ENTREP2: variants seen among roughly 807,000 people sequenced by gnomAD.
ENTREP2 encodes the protein endosomal transmembrane epsin interactor 2, also known as protein ENTREP2.
At chr15:29,380,673 G>A in the ENTREP2 span, among the ~76,000 whole-genome samples, 78 of 152,206 alleles carry the variant, frequency 5.1e-4, 1 homozygote, top group Non-Finnish European at 6.2e-4. Context: ...ACAATGCCAC[G>A]GCAATTCAAG....
At chr15:29,569,049 C>A in the ENTREP2 span, among the ~76,000 whole-genome samples, 1 of 152,154 alleles carries the variant, frequency 6.6e-6, no homozygotes, top group Non-Finnish European at 1.5e-5. Flanking sequence ...TCAGTGCCCG[C>A]TAGACAGACA....
the ENTREP2 span, among the ~76,000 whole-genome samples, chr15:29,150,955 GACAC>G: frequency 6.6e-6 from 1 of 152,066 alleles, no homozygotes; most frequent in East Asian, 1.9e-4. Flanking sequence ...GAGAGAGACA[GACAC>G]ACACTCATAC....
the ENTREP2 span, among the ~76,000 whole-genome samples, chr15:29,413,576 C>T: frequency 6.6e-6 from 1 of 152,270 alleles, no homozygotes; most frequent in Admixed American, 6.5e-5. Context: ...CAAACAACTA[C>T]ACAAAAATCT....
chr15:29,562,652 T>C, the ENTREP2 span, among the ~76,000 whole-genome samples: 1 of 152,240 alleles, frequency 6.6e-6, no homozygotes, highest in African/African-American at 2.4e-5. Context: ...CATTGTTTAT[T>C]AGCATAGAAT....
the ENTREP2 span, among the ~76,000 whole-genome samples, chr15:29,170,392 G>A: frequency 2.7e-5 from 4 of 150,164 alleles, no homozygotes; most frequent in Admixed American, 6.7e-5. Context: ...TTAAAGATAC[G>A]ATTTACAATA....
chr15:29,223,766 G>A, the ENTREP2 span, among the ~76,000 whole-genome samples: 2 of 152,102 alleles, frequency 1.3e-5, no homozygotes, highest in Admixed American at 6.5e-5. Flanking sequence ...GAGCCCCTGC[G>A]CCTGCAGCCC....
the ENTREP2 span, among the ~76,000 whole-genome samples, chr15:29,647,340 T>A: frequency 1.3e-5 from 2 of 152,198 alleles, 1 homozygote; most frequent in African/African-American, 4.8e-5. Context: ...AAATCAAAAG[T>A]GTCTCACAGA....
chr15:29,217,664 T>C, the ENTREP2 span, among the ~76,000 whole-genome samples: 1 of 152,312 alleles, frequency 6.6e-6, no homozygotes, highest in African/African-American at 2.4e-5. Context: ...TCACTTCTTG[T>C]ATCATTTTTG....
the ENTREP2 span, among the ~76,000 whole-genome samples, chr15:29,507,818 C>T: frequency 1.3e-5 from 2 of 152,248 alleles, no homozygotes; most frequent in South Asian, 4.1e-4. Context: ...CTAAAATCAA[C>T]ACCCTAACAT....
chr15:29,472,191 C>T, the ENTREP2 span, among the ~76,000 whole-genome samples: 1 of 152,060 alleles, frequency 6.6e-6, no homozygotes, highest in African/African-American at 2.4e-5. Context: ...GCCTTTGTTA[C>T]CTTGTCTCCA....
At chr15:29,282,401 T>C in the ENTREP2 span, among the ~76,000 whole-genome samples, 771 of 152,306 alleles carry the variant, frequency 5.1e-3, 5 homozygotes, top group African/African-American at 0.018. Flanking sequence ...TTTTTCTTTA[T>C]AAATTACCCA....
chr15:29,381,718 C>A, the ENTREP2 span: 2 of 1,432,056 alleles, frequency 1.4e-6, no homozygotes, highest in Non-Finnish European at 1.9e-6. Context: ...AACCTGCTCA[C>A]GCATCTGAAG....
chr15:29,490,178 C>T, the ENTREP2 span, among the ~76,000 whole-genome samples: 1 of 152,094 alleles, frequency 6.6e-6, no homozygotes, highest in Non-Finnish European at 1.5e-5. Context: ...TCTTAAAGGC[C>T]GGTGCATCTG....
At chr15:29,651,980 C>T in the ENTREP2 span, among the ~76,000 whole-genome samples, 55 of 152,166 alleles carry the variant, frequency 3.6e-4, no homozygotes, top group African/African-American at 1.2e-3. Context: ...GGCCGCCAGT[C>T]CTGTGGATTG....
the ENTREP2 span, among the ~76,000 whole-genome samples, chr15:29,413,048 T>G: frequency 6.6e-6 from 1 of 152,136 alleles, no homozygotes; most frequent in African/African-American, 2.4e-5. Context: ...TAAAATCTTT[T>G]TTTAATTTCC....
chr15:29,294,594 A>G, the ENTREP2 span, among the ~76,000 whole-genome samples: 1 of 152,198 alleles, frequency 6.6e-6, no homozygotes, highest in African/African-American at 2.4e-5. Context: ...AGACCCACTC[A>G]CTGTTATTTG....
chr15:29,582,582 C>G, the ENTREP2 span, among the ~76,000 whole-genome samples: 31 of 152,156 alleles, frequency 2.0e-4, no homozygotes, highest in South Asian at 3.7e-3. Context: ...GAAACCAAAG[C>G]AAGGGAACAA....
the ENTREP2 span, among the ~76,000 whole-genome samples, chr15:29,331,528 G>A: frequency 3.9e-5 from 6 of 152,218 alleles, no homozygotes; most frequent in Admixed American, 1.3e-4. Flanking sequence ...ATCCAGTTTC[G>A]AGCAGGAGGG....
the ENTREP2 span, among the ~76,000 whole-genome samples, chr15:29,135,065 C>A: frequency 6.6e-6 from 1 of 151,978 alleles, no homozygotes; most frequent in East Asian, 1.9e-4. The surrounding 1 kb of genome is among the most constrained non-coding windows in gnomAD (Gnocchi z 7.4). Flanking sequence ...GTCATGCTGT[C>A]ATCTGCTCTC....
Sources: gnomAD v4.1 joint callset for allele counts (sites outside exome capture counted in the v4.1 genomes callset) on GRCh38, gnomAD v4.1.1 for gene constraint, Gnocchi (gnomAD v3.1) non-coding constraint, MANE v1.5 for transcripts, NCBI Gene and HGNC (gene_info 2026-07-23, HGNC 2026-07-21) for gene names.